The following WDFY4 variants were observed in gnomAD, a reference collection of about 807,000 sequenced individuals.
WDFY4 encodes the protein WD repeat- and FYVE domain-containing protein 4.
Under a neutral mutation model 351.9 loss-of-function variants are expected in WDFY4, and 169 were observed. The observed-to-expected ratio is 0.48, with a 90% CI of 0.42 to 0.55. The LOEUF (loss-of-function observed/expected upper bound fraction) is 0.55. Among genes scored for constraint, WDFY4 ranks in the 20% least tolerant of loss-of-function variants. WDFY4 has a pLI of 0.00. For missense variants in WDFY4, 3,803 were observed against 3,935.6 expected, an observed-to-expected ratio of 0.97 and a Z score of 0.90; for synonymous variants, 1,622 against 1,574.6, an observed-to-expected ratio of 1.03 and a Z score of -0.71.
intron 5 of WDFY4, among the ~76,000 whole-genome samples, chr10:48,725,521 A>G (rs889116777): frequency 6.6e-6 from 1 of 152,180 alleles, no homozygotes; most frequent in Non-Finnish European, 1.5e-5. Flanking sequence ...ATTCTGAAAC[A>G]CTTCCCTTTT....
intron 47 of WDFY4, among the ~76,000 whole-genome samples, chr10:48,911,756 A>G (rs1223406485): frequency 6.6e-6 from 1 of 152,222 alleles, no homozygotes; most frequent in Non-Finnish European, 1.5e-5. Flanking sequence ...TTAAGCTACT[A>G]TATTTAGTAG....
chr10:48,870,203 G>A (rs2069711891), intron 40 of WDFY4, among the ~76,000 whole-genome samples: 1 of 152,168 alleles, frequency 6.6e-6, no homozygotes, highest in African/African-American at 2.4e-5. Flanking sequence ...GTTTCCAAAG[G>A]TTAATCTAAG....
intron 13 of WDFY4, among the ~76,000 whole-genome samples, chr10:48,761,792 A>G (rs1008070142): frequency 6.6e-6 from 1 of 152,240 alleles, no homozygotes; most frequent in African/African-American, 2.4e-5. Flanking sequence ...GCAGCCAAGG[A>G]AAGAGGATTC....
At chr10:48,709,570 G>T (rs914078934) in intron 1 of WDFY4, 146 bp from the exon 2 acceptor site, 4 of 672,368 alleles carry the variant, frequency 5.9e-6, no homozygotes, top group Non-Finnish European at 9.9e-6. Context: ...TTTTAAAAAG[G>T]CTTCCTTATT....
chr10:48,824,438 T>C (rs931976022), intron 35 of WDFY4, among the ~76,000 whole-genome samples: 1 of 152,266 alleles, frequency 6.6e-6, no homozygotes. Flanking sequence ...CATGTTCTCA[T>C]ACATTGAATG....
At chr10:48,852,362 T>C (rs945937140) in intron 39 of WDFY4, among the ~76,000 whole-genome samples, 12 of 152,270 alleles carry the variant, frequency 7.9e-5, no homozygotes, top group Non-Finnish European at 1.6e-4. Context: ...AGTAATCATA[T>C]AAATTTGTCA....
chr10:48,769,959 C>A (rs145757432), intron 13 of WDFY4, among the ~76,000 whole-genome samples: 30 of 152,348 alleles, frequency 2.0e-4, no homozygotes, highest in African/African-American at 7.0e-4. Context: ...CCACTGAGTC[C>A]TAATTGCACC....
chr10:48,895,408 C>G (rs930840831), intron 44 of WDFY4, among the ~76,000 whole-genome samples: 1 of 152,212 alleles, frequency 6.6e-6, no homozygotes, highest in African/African-American at 2.4e-5. Context: ...CTGGGGCTGG[C>G]AGGACCACCT....
At chr10:48,833,779 C>T (rs2068280808) in intron 39 of WDFY4, among the ~76,000 whole-genome samples, 1 of 152,132 alleles carries the variant, frequency 6.6e-6, no homozygotes, top group African/African-American at 2.4e-5. Flanking sequence ...TACTTAACTC[C>T]CCAGTGGGAT....
At chr10:48,862,967 T>C (rs1002144422) in intron 39 of WDFY4, among the ~76,000 whole-genome samples, 2 of 152,234 alleles carry the variant, frequency 1.3e-5, no homozygotes, top group Non-Finnish European at 2.9e-5. Flanking sequence ...GCTTTTGAAA[T>C]TAGCTTCTTT....
intron 51 of WDFY4, among the ~76,000 whole-genome samples, chr10:48,955,550 G>C (rs78293511): frequency 1.1e-4 from 16 of 152,224 alleles, no homozygotes; most frequent in African/African-American, 3.9e-4. Context: ...GGCAAAGCAC[G>C]CCCTGTGGAG....
chr10:48,791,139 T>C (rs1163854300), intron 23 of WDFY4, among the ~76,000 whole-genome samples: 2 of 152,234 alleles, frequency 1.3e-5, no homozygotes, highest in Admixed American at 1.3e-4. Context: ...GCTCACCTGA[T>C]TGTGGCTTCT....
chr10:48,745,860 T>C (rs1328322775), intron 12 of WDFY4: 1 of 321,904 alleles, frequency 3.1e-6, no homozygotes, highest in Non-Finnish European at 5.9e-6. Flanking sequence ...CTGGCCTCGC[T>C]GGGCCTTGCG....
At chr10:48,698,884 G>A (rs932782759) in intron 1 of WDFY4, among the ~76,000 whole-genome samples, 4 of 152,204 alleles carry the variant, frequency 2.6e-5, no homozygotes, top group Non-Finnish European at 2.9e-5. Context: ...GAATTGTGGC[G>A]GCTGGCAAGT....
At chr10:48,835,925 G>A (rs2068374920) in intron 39 of WDFY4, among the ~76,000 whole-genome samples, 1 of 152,198 alleles carries the variant, frequency 6.6e-6, no homozygotes, top group Admixed American at 6.5e-5. Context: ...TCTTGGATGG[G>A]CACAGTGCCT....
At chr10:48,903,908 C>T (rs12256788) in intron 47 of WDFY4, among the ~76,000 whole-genome samples, 11,259 of 152,240 alleles carry the variant, frequency 0.074, 892 homozygotes, top group African/African-American at 0.2. Flanking sequence ...ACCAAACTTA[C>T]CCTCTGGTAA....
chr10:48,753,066 G>A (rs932990437), intron 12 of WDFY4, among the ~76,000 whole-genome samples: 1 of 152,088 alleles, frequency 6.6e-6, no homozygotes, highest in African/African-American at 2.4e-5. Context: ...CCATTCTAAT[G>A]GGCATGGAGT....
At position 48,974,989 on chromosome 10, in the gene WDFY4, G is replaced by T. The variant is rs969942181; in HGVS notation, c.9056G>T (p.Arg3019Leu). The stretch of plus-strand genomic sequence containing the variant: ...CTGGACCACCTCACCCACGTGACCC[G>T]CCTGCCCGCCCATCGGGAAGGCATC... ...WDLDHLTHVT[R>L]LPAHREGISA... Residue 3019 changes from arginine (R) to leucine (L), a missense_variant, in exon 58 of 62, where the codon CGC becomes CTC. By Grantham distance (102) the Arg-to-Leu change is moderately radical (BLOSUM62 -2). Transcript: ENST00000325239. 1 of 1,551,606 alleles carries T rather than the reference G, an allele frequency of 6.4e-7. No individual in the cohort carries two copies. Among genetic ancestry groups the T allele is most frequent in the Non-Finnish European group, 8.7e-7 (1 of 1,146,992 alleles).
intron 20 of WDFY4, among the ~76,000 whole-genome samples, chr10:48,787,954 CT>C (rs2066530042): frequency 8.2e-6 from 1 of 122,074 alleles, no homozygotes; most frequent in African/African-American, 3.4e-5. Context: ...TCTTCTTCTT[CT>C]TCTTCTTCTT....
Sources: gnomAD v4.1 joint callset for allele counts (sites outside exome capture counted in the v4.1 genomes callset) on GRCh38, gnomAD v4.1.1 for gene constraint, MANE v1.5 for transcripts, NCBI Gene and HGNC (gene_info 2026-07-23, HGNC 2026-07-21) for gene names.